The following TANC1 variants were observed in gnomAD, a reference collection of about 807,000 sequenced individuals.
The protein encoded by TANC1 is protein TANC1.
In TANC1, 77 loss-of-function variants were observed where a neutral mutation model predicts 149.7. That is an observed-to-expected ratio of 0.51 (90% confidence interval 0.43 to 0.62). The LOEUF is 0.62. Ranked by LOEUF, TANC1 falls within the 20% of genes least tolerant of loss-of-function variation. The pLI, the probability that TANC1 is intolerant of heterozygous loss-of-function variation, is 0.00. For synonymous variants in TANC1, 854 were observed against 925.0 expected, an observed-to-expected ratio of 0.92 and a Z score of 1.39; for missense variants, 1,985 against 2,321.8, an observed-to-expected ratio of 0.85 and a Z score of 2.98.
intron 7 of TANC1, 25 bp downstream of exon 7, chr2:159,150,581 A>G (rs1482973337): frequency 4.4e-6 from 7 of 1,577,666 alleles, no homozygotes; most frequent in Non-Finnish European, 5.2e-6. Context: ...GCTCGGTAAC[A>G]TAATGGCTCG....
intron 3 of TANC1, among the ~76,000 whole-genome samples, chr2:159,086,745 G>A (rs138970250): frequency 5.9e-5 from 9 of 152,218 alleles, no homozygotes; most frequent in African/African-American, 1.9e-4. Flanking sequence ...GGAAAAAACC[G>A]TTCATACTTC....
At chr2:158,999,925 C>T (rs891868773) in intron 1 of TANC1, among the ~76,000 whole-genome samples, 23 of 152,078 alleles carry the variant, frequency 1.5e-4, no homozygotes, top group African/African-American at 5.3e-4. Flanking sequence ...GAAGCTGGGG[C>T]AGGGGGTTCA....
chr2:159,102,209 A>G (rs1355412425), intron 4 of TANC1, among the ~76,000 whole-genome samples: 1 of 152,036 alleles, frequency 6.6e-6, no homozygotes, highest in Non-Finnish European at 1.5e-5. Context: ...TAGTCTTTTG[A>G]AAAAAATCTG....
At chr2:159,018,076 CA>C (rs2038455525) in intron 2 of TANC1, among the ~76,000 whole-genome samples, 2 of 152,146 alleles carry the variant, frequency 1.3e-5, no homozygotes, top group Non-Finnish European at 2.9e-5. Flanking sequence ...AGTTCAAAGG[CA>C]GCCAGTTACA....
intron 16 of TANC1, among the ~76,000 whole-genome samples, chr2:159,191,713 C>G (rs1038436208): frequency 1.3e-5 from 2 of 152,138 alleles, no homozygotes; most frequent in Non-Finnish European, 2.9e-5. Context: ...GTATAATTTT[C>G]CAGACCCATT....
chr2:159,056,930 G>T (rs1454695478), intron 2 of TANC1: 4 of 236,228 alleles, frequency 1.7e-5, no homozygotes, highest in African/African-American at 9.0e-5. Flanking sequence ...CAGGCAAATG[G>T]TGTGTGCCAG....
At chr2:159,143,257 A>G (rs897692256) in intron 5 of TANC1, among the ~76,000 whole-genome samples, 1 of 152,148 alleles carries the variant, frequency 6.6e-6, no homozygotes, top group Admixed American at 6.5e-5. Flanking sequence ...ATGTTTTGAT[A>G]TTATGTGATA....
intron 8 of TANC1, among the ~76,000 whole-genome samples, chr2:159,165,439 A>G (rs758600686): frequency 2.0e-5 from 3 of 152,200 alleles, no homozygotes; most frequent in East Asian, 1.9e-4. Flanking sequence ...AACTAAATGC[A>G]TATTTTGAAA....
chr2:159,079,063 A>C (rs1458156756), intron 3 of TANC1, among the ~76,000 whole-genome samples: 1 of 152,166 alleles, frequency 6.6e-6, no homozygotes, highest in Non-Finnish European at 1.5e-5. Context: ...ATTTAGATTT[A>C]TATTGGGGGT....
intron 10 of TANC1, 65 bp from the exon 11 acceptor site, chr2:159,172,056 A>G (rs2055314498): frequency 1.3e-6 from 2 of 1,495,922 alleles, no homozygotes; most frequent in Non-Finnish European, 1.8e-6. Flanking sequence ...AAATCAAGAA[A>G]TATATTCAAT....
rs1484135607 is a variant in TANC1, at chr2:159,081,722, G to A, written c.61+15751G>A. Among the ~76,000 whole-genome samples the A allele has an allele frequency of 5.3e-5, 8 of 152,248 alleles. 1 individual carries two copies. The highest frequency in any genetic ancestry group is 4.6e-4 in the Admixed American group (7 of 15,278). On this transcript the variant is annotated intron_variant, in intron 3 of 26. Coordinates refer to ENST00000263635, the MANE Select transcript of TANC1 (RefSeq NM_033394.3). Reference sequence around the variant, plus strand: ...ATTTTAAAGTAAGTGAAAGGCTTTGGCTTGGAAAACCCTAGAGAGATTGGA... The same window carrying A: ...ATTTTAAAGTAAGTGAAAGGCTTTGACTTGGAAAACCCTAGAGAGATTGGA...
intron 4 of TANC1, among the ~76,000 whole-genome samples, chr2:159,113,839 T>G (rs2047987941): frequency 6.6e-6 from 1 of 152,168 alleles, no homozygotes; most frequent in South Asian, 2.1e-4. Flanking sequence ...CTCTTAAAAA[T>G]TTTTTGAACA....
chr2:159,172,362 C>T, intron 11 of TANC1, 90 bp downstream of exon 11: 1 of 1,172,888 alleles, frequency 8.5e-7, no homozygotes, highest in Non-Finnish European at 1.2e-6. Flanking sequence ...GAGCTTAAAA[C>T]AGAGACAACT....
intron 4 of TANC1, among the ~76,000 whole-genome samples, chr2:159,107,067 G>A (rs529456325): frequency 1.8e-3 from 279 of 152,180 alleles, no homozygotes; most frequent in Non-Finnish European, 3.3e-3. Context: ...GCTCTGTCTC[G>A]CCCAGGCTGG....
intron 16 of TANC1, among the ~76,000 whole-genome samples, chr2:159,188,594 A>G (rs1314068805): frequency 1.3e-5 from 2 of 152,266 alleles, no homozygotes; most frequent in Non-Finnish European, 2.9e-5. Context: ...AACAGGAGCT[A>G]GGTGTGGCCT....
intron 1 of TANC1, among the ~76,000 whole-genome samples, chr2:158,986,596 C>T (rs77285995): frequency 0.09 from 13,682 of 152,142 alleles, 664 homozygotes; most frequent in Non-Finnish European, 0.11. Context: ...GATCTGCACT[C>T]ATGTCAAGCT....
In TANC1 at chr2:159,053,899, G is replaced by A. The variant is rs76429014; in HGVS notation, c.-15-11997G>A. On this transcript the variant is annotated intron_variant, in intron 2 of 26. Transcript: ENST00000263635. ...TGTGTTCTGTTGCATGGTGCCTCCA[G>A]GTCACACATGGACAGCACTGTAGTT... 1.1e-3 allele frequency among the ~76,000 whole-genome samples: 171 copies of A among 152,190 alleles called. 3 individuals carry two copies. In the East Asian group the frequency reaches 0.029, roughly 25 times the overall value.
chr2:159,147,363 C>G (rs545972982), intron 5 of TANC1, among the ~76,000 whole-genome samples: 3 of 152,344 alleles, frequency 2.0e-5, no homozygotes, highest in Non-Finnish European at 2.9e-5. Context: ...CCTGTTCCCT[C>G]CCTCCAGCCC....
chr2:159,065,151 T>C (rs563777874), intron 2 of TANC1, among the ~76,000 whole-genome samples: 49 of 152,250 alleles, frequency 3.2e-4, no homozygotes, highest in South Asian at 8.3e-4. Flanking sequence ...GTAGAGATGG[T>C]TTCATGTTTC....
Sources: allele counts gnomAD v4.1 joint callset (sites outside exome capture counted in the v4.1 genomes callset), GRCh38; gene constraint gnomAD v4.1.1; transcripts MANE v1.5; gene names NCBI Gene and HGNC (gene_info 2026-07-23, HGNC 2026-07-21).